Variants in HRH1 observed in about 807,000 individuals in gnomAD.
HRH1 encodes histamine H1 receptor.
Under a neutral mutation model 10.3 loss-of-function variants are expected in HRH1, and 6 were observed. That is an observed-to-expected ratio of 0.58 (90% confidence interval 0.32 to 1.15). HRH1 has a LOEUF of 1.15. Among genes scored for constraint, HRH1 ranks in the 50% most tolerant of loss-of-function variants. The pLI, the probability that HRH1 is intolerant of heterozygous loss-of-function variation, is 0.05. For missense variants in HRH1, 514 were observed against 615.3 expected, an observed-to-expected ratio of 0.84 and a Z score of 1.74; for synonymous variants, 242 against 236.7, an observed-to-expected ratio of 1.02 and a Z score of -0.21.
rs906912316 is a variant in HRH1 at position 11,234,290 on chromosome 3, T to A, written c.-35-24713T>A. On this transcript the variant is annotated intron_variant, in intron 1 of 1. Coordinates refer to ENST00000431010, the MANE Select transcript of HRH1 (RefSeq NM_001098212.2). The stretch of plus-strand genomic sequence containing the variant: ...CACCTCTTCTTTGGTTGCAGTGGCC[T>A]CAGTGGGAGCTGTTTCTTCTGCTTG... 95 of 1,567,464 alleles carry A rather than the reference T, an allele frequency of 6.1e-5. No individual in the cohort carries two copies. In the African/African-American group the frequency reaches 1.1e-3, roughly 19 times the overall value.
chr3:11,203,156 A>G (rs1937993621), intron 1 of HRH1, among the ~76,000 whole-genome samples: 1 of 152,240 alleles, frequency 6.6e-6, no homozygotes, highest in Admixed American at 6.5e-5. Context: ...CACTTACCAA[A>G]GGACATCTTA....
chr3:11,250,809 G>A (rs948722672), intron 1 of HRH1, among the ~76,000 whole-genome samples: 2 of 152,204 alleles, frequency 1.3e-5, no homozygotes, highest in South Asian at 4.1e-4. Flanking sequence ...TGATGAGGGT[G>A]GATGCACGGC....
intron 1 of HRH1, among the ~76,000 whole-genome samples, chr3:11,183,549 G>T (rs750515962): frequency 7.9e-5 from 12 of 152,146 alleles, no homozygotes; most frequent in Non-Finnish European, 1.2e-4. Context: ...GAGAAATCCT[G>T]CTCTAGGCAA....
chr3:11,183,787 G>T (rs186044878), intron 1 of HRH1, among the ~76,000 whole-genome samples: 6 of 150,680 alleles, frequency 4.0e-5, no homozygotes, highest in African/African-American at 1.5e-4. Context: ...GTGCGATCTC[G>T]GCTCACTGCA....
At chr3:11,195,898 G>A (rs1467078687) in intron 1 of HRH1, among the ~76,000 whole-genome samples, 1 of 152,156 alleles carries the variant, frequency 6.6e-6, no homozygotes, top group Non-Finnish European at 1.5e-5. Flanking sequence ...TTAGCAGACT[G>A]TCTGTCACTG....
At chr3:11,212,030 G>A (rs1229039240) in intron 1 of HRH1, among the ~76,000 whole-genome samples, 1 of 152,146 alleles carries the variant, frequency 6.6e-6, no homozygotes, top group Non-Finnish European at 1.5e-5. Context: ...TGGGGCTGGG[G>A]GAGGGGGGCA....
intron 1 of HRH1, among the ~76,000 whole-genome samples, chr3:11,163,291 A>T (rs1359368436): frequency 6.6e-6 from 1 of 152,164 alleles, no homozygotes; most frequent in Non-Finnish European, 1.5e-5. Context: ...CGAGGGACAT[A>T]TCTGACCATT....
chr3:11,253,823 A>G (rs1196029297), intron 1 of HRH1, among the ~76,000 whole-genome samples: 1 of 152,178 alleles, frequency 6.6e-6, no homozygotes, highest in Non-Finnish European at 1.5e-5. Flanking sequence ...TGTCTAAGAT[A>G]GACATTAACT....
chr3:11,189,637 A>G (rs573636830), intron 1 of HRH1, among the ~76,000 whole-genome samples: 1 of 152,322 alleles, frequency 6.6e-6, no homozygotes, highest in Admixed American at 6.5e-5. Context: ...CTTCTTTGTG[A>G]AAAGTGGCCA....
chr3:11,202,999 A>G, intron 1 of HRH1, among the ~76,000 whole-genome samples: 1 of 152,210 alleles, frequency 6.6e-6, no homozygotes, highest in South Asian at 2.1e-4. Flanking sequence ...AGTTGGAACC[A>G]TATAGTACGT....
intron 1 of HRH1, among the ~76,000 whole-genome samples, chr3:11,158,561 G>A (rs575699573): frequency 3.3e-5 from 5 of 152,088 alleles, no homozygotes; most frequent in Admixed American, 2.0e-4. Flanking sequence ...CCATGAACAT[G>A]GTATCTCTCT....
intron 1 of HRH1, among the ~76,000 whole-genome samples, chr3:11,239,956 C>G (rs1313016361): frequency 6.6e-6 from 1 of 152,114 alleles, no homozygotes; most frequent in African/African-American, 2.4e-5. Context: ...ATATGTGAGA[C>G]CAACAGACTG....
chr3:11,260,348 C>T lies in HRH1; in HGVS notation c.1311C>T (p.Val437=). The T allele has an allele frequency of 6.2e-7, 1 of 1,614,210 alleles. No homozygotes were observed. The change falls in exon 2 of 2, where the codon GTC becomes GTT. Residue 437 remains valine (V), a synonymous_variant. Transcript: ENST00000431010. The part of the protein sequence containing the change: ...CWIPYFIFFM[V]IAFCKNCCNE... The stretch of plus-strand genomic sequence containing the variant: ...TCCCTTATTTCATCTTCTTCATGGT[C>T]ATTGCCTTCTGCAAGAACTGTTGCA...
At chr3:11,138,565 G>A (rs1936230136) in intron 1 of HRH1, among the ~76,000 whole-genome samples, 1 of 152,128 alleles carries the variant, frequency 6.6e-6, no homozygotes, top group Non-Finnish European at 1.5e-5. Context: ...AGTTACTTTG[G>A]AAAACAGTTT....
intron 1 of HRH1, among the ~76,000 whole-genome samples, chr3:11,242,670 G>C (rs1489313094): frequency 1.3e-5 from 2 of 151,998 alleles, no homozygotes; most frequent in Non-Finnish European, 2.9e-5. Context: ...TAATGTTGCA[G>C]TGAGCGTCTT....
chr3:11,207,132 G>A (rs1938160460), intron 1 of HRH1, among the ~76,000 whole-genome samples: 1 of 152,080 alleles, frequency 6.6e-6, no homozygotes, highest in Admixed American at 6.5e-5. Flanking sequence ...GAAGTTTGGG[G>A]TCTGAGGGTT....
At chr3:11,150,124 A>T (rs1289211214), upstream of HRH1, among the ~76,000 whole-genome samples, 1 of 152,280 alleles carries the variant, frequency 6.6e-6, no homozygotes, top group Non-Finnish European at 1.5e-5. Flanking sequence ...ATCCTTTTAT[A>T]AAAATTACTG....
chr3:11,178,719 T>C (rs564297695), intron 1 of HRH1, among the ~76,000 whole-genome samples: 1 of 152,314 alleles, frequency 6.6e-6, no homozygotes, highest in Admixed American at 6.5e-5. Flanking sequence ...AGGGTCCTCC[T>C]GTGGGATGAC....
At chr3:11,185,131 A>AT (rs1937431858) in intron 1 of HRH1, among the ~76,000 whole-genome samples, 1 of 152,028 alleles carries the variant, frequency 6.6e-6, no homozygotes, top group South Asian at 2.1e-4. Context: ...GTGAAAAAAC[A>AT]TTTGAAGTGC....
Sources: allele counts gnomAD v4.1 joint callset (sites outside exome capture counted in the v4.1 genomes callset), GRCh38; gene constraint gnomAD v4.1.1; transcripts MANE v1.5; gene names NCBI Gene and HGNC (gene_info 2026-07-23, HGNC 2026-07-21).